FNDC3A: variants seen among roughly 807,000 people sequenced by gnomAD.
FNDC3A encodes fibronectin type III domain containing 3A.
FNDC3A carries 32 observed loss-of-function variants against 148.9 expected under a neutral mutation model. The ratio of observed to expected loss-of-function variants is 0.21; its 90% CI spans 0.16 to 0.29. FNDC3A has a LOEUF of 0.29. Ranked by LOEUF, FNDC3A falls within the 10% of genes least tolerant of loss-of-function variation. FNDC3A has a pLI of 1.00. For synonymous variants in FNDC3A, 472 were observed against 473.6 expected, an observed-to-expected ratio of 1.00 and a Z score of 0.04; for missense variants, 1,191 against 1,452.8, an observed-to-expected ratio of 0.82 and a Z score of 2.93.
In FNDC3A at chr13:49,111,114, C is replaced by G. The variant is rs528061941; in HGVS notation, c.176-3541C>G. Among the ~76,000 whole-genome samples the G allele has an allele frequency of 7.2e-5, 11 of 152,304 alleles. 1 individual carries two copies. Among genetic ancestry groups the G allele is most frequent in the Admixed American group, 7.2e-4 (11 of 15,308 alleles). On this transcript the variant is annotated intron_variant, in intron 3 of 25. Transcript: ENST00000492622. ...TTGTCAATAGGATCTGAGTTTCTTC[C>G]TTGGGACAAAATCTCCCTCATTGCA... is the stretch of plus-strand genomic sequence containing the variant.
Position 49,110,264 on chromosome 13 carries a change from G to T in FNDC3A, c.176-4391G>T. On this transcript the variant is annotated intron_variant, in intron 3 of 25. Coordinates refer to ENST00000492622, the MANE Select transcript of FNDC3A (RefSeq NM_001079673.2). ...GCAGGTCACGTGATGACTGTCACGTGACTCGGTCAAAGGATCTTTTCCTCT... is the reference window on the plus strand; with the variant it reads ...GCAGGTCACGTGATGACTGTCACGTTACTCGGTCAAAGGATCTTTTCCTCT... 6 of 1,302,386 alleles carry T rather than the reference G, an allele frequency of 4.6e-6. No individual in the cohort carries two copies. The South Asian group carries it at 9.5e-5, about 21-fold the overall frequency. The allele number at this position is 1,302,386 out of a possible 1,614,324, so 80.7% of individuals were successfully genotyped here. A position where few individuals can be genotyped will look rare whatever the true frequency, so the allele number is the denominator to read the frequency against.
At chr13:48,993,231 A>G (rs1951953040) in intron 1 of FNDC3A, among the ~76,000 whole-genome samples, 1 of 152,194 alleles carries the variant, frequency 6.6e-6, no homozygotes, top group Non-Finnish European at 1.5e-5. Flanking sequence ...GTTAGTACTT[A>G]ATGTAAAAAC....
intron 1 of FNDC3A, among the ~76,000 whole-genome samples, chr13:49,004,578 T>C (rs1251936936): frequency 6.6e-6 from 1 of 151,948 alleles, no homozygotes; most frequent in East Asian, 1.9e-4. Flanking sequence ...CAGAAGAAAA[T>C]CTGTATTTCT....
intron 2 of FNDC3A, among the ~76,000 whole-genome samples, chr13:49,028,787 A>T (rs1198622930): frequency 5.3e-5 from 8 of 152,234 alleles, no homozygotes; most frequent in African/African-American, 1.9e-4. Flanking sequence ...TTGAACAATA[A>T]TAGTTGGAGC....
intron 3 of FNDC3A, among the ~76,000 whole-genome samples, chr13:49,084,656 C>CA (rs1182821383): frequency 6.6e-5 from 10 of 152,196 alleles, no homozygotes; most frequent in Non-Finnish European, 2.9e-5. Context: ...TCTCATACCT[C>CA]ACGCTGCTTG....
At chr13:49,085,531 T>C (rs1878751231) in intron 3 of FNDC3A, among the ~76,000 whole-genome samples, 1 of 152,170 alleles carries the variant, frequency 6.6e-6, no homozygotes, top group Non-Finnish European at 1.5e-5. Context: ...ACTTCAGGGC[T>C]TTGATATTAG....
At chr13:49,097,522 G>A (rs1259145487) in intron 3 of FNDC3A, among the ~76,000 whole-genome samples, 1 of 152,030 alleles carries the variant, frequency 6.6e-6, no homozygotes, top group Non-Finnish European at 1.5e-5. Flanking sequence ...TGTGCCTCCA[G>A]CTTTGATCTC....
In FNDC3A at chr13:49,028,531, G is replaced by C. The variant is rs568751826; in HGVS notation, c.99+22242G>C. On this transcript the variant is annotated intron_variant, in intron 2 of 25. Coordinates refer to ENST00000492622, the MANE Select transcript of FNDC3A (RefSeq NM_001079673.2). ...CTAGATTACAGACATGAGCCACACT[G>C]TGCCCAGCCCAGGACACTCTTGAAA... Among the ~76,000 whole-genome samples, 4 of 152,208 alleles carry C rather than the reference G, an allele frequency of 2.6e-5. No homozygotes were observed. In the South Asian group the frequency reaches 8.3e-4, roughly 32 times the overall value.
In FNDC3A at chr13:49,015,547, G is replaced by A. The variant is rs188626536; in HGVS notation, c.99+9258G>A. On this transcript the variant is annotated intron_variant, in intron 2 of 25. Coordinates refer to ENST00000492622, the MANE Select transcript of FNDC3A (RefSeq NM_001079673.2). ...ATATACAATCATGTCGTCTGCAAAC[G>A]GGGACAATTTGACTTCCTCTTTTCC... Among the ~76,000 whole-genome samples, 1,272 of 152,200 alleles carry A rather than the reference G, an allele frequency of 8.4e-3. 21 individuals carry two copies. Among genetic ancestry groups the A allele is most frequent in the African/African-American group, 0.029 (1,192 of 41,500 alleles).
intron 3 of FNDC3A, among the ~76,000 whole-genome samples, chr13:49,113,385 A>G (rs555731917): frequency 6.7e-6 from 1 of 149,844 alleles, no homozygotes; most frequent in South Asian, 2.1e-4. Flanking sequence ...TAGCTCTCTC[A>G]TCTCCCTAGC....
chr13:49,200,597 G>C (rs1473882036), intron 23 of FNDC3A, among the ~76,000 whole-genome samples: 1 of 152,090 alleles, frequency 6.6e-6, no homozygotes, highest in East Asian at 1.9e-4. Flanking sequence ...TCTAATTAGT[G>C]TTTGGTTGAA....
chr13:48,989,094 A>C (rs1351003474), intron 1 of FNDC3A, among the ~76,000 whole-genome samples: 2 of 152,204 alleles, frequency 1.3e-5, no homozygotes, highest in Non-Finnish European at 2.9e-5. Context: ...CATTCAGTAG[A>C]GTACTCTGGA....
At chr13:49,066,523 A>C (rs140321156) in intron 2 of FNDC3A, among the ~76,000 whole-genome samples, 1 of 152,280 alleles carries the variant, frequency 6.6e-6, no homozygotes, top group African/African-American at 2.4e-5. Context: ...TTATCTGTTA[A>C]TCCTTCAACA....
chr13:49,163,108 G>A (rs964030995), intron 8 of FNDC3A, among the ~76,000 whole-genome samples: 12 of 152,230 alleles, frequency 7.9e-5, no homozygotes, highest in African/African-American at 2.9e-4. Context: ...TGAGGAGGCA[G>A]TCTGTCCCTT....
At chr13:49,055,858 G>C (rs1044750120) in intron 2 of FNDC3A, among the ~76,000 whole-genome samples, 2 of 152,086 alleles carry the variant, frequency 1.3e-5, no homozygotes, top group African/African-American at 2.4e-5. Flanking sequence ...TGGGCCACTA[G>C]TTACTCATAT....
chr13:49,196,433 T>C (rs1248821182), intron 19 of FNDC3A, among the ~76,000 whole-genome samples: 1 of 152,112 alleles, frequency 6.6e-6, no homozygotes, highest in Non-Finnish European at 1.5e-5. Context: ...ATAAACAAAT[T>C]TATAGAACAG....
Position 49,196,490 on chromosome 13 carries a change from AAGT to A in FNDC3A, c.2227-385_2227-383del, listed in dbSNP as rs149793527. 3.0e-3 allele frequency among the ~76,000 whole-genome samples: 455 copies of A among 152,306 alleles called. 3 individuals carry two copies. The highest frequency in any genetic ancestry group is 0.019 in the South Asian group (92 of 4,820). ...GGAATATGCCTAAGAAAGATTCGTG[AAGT>A]ATTAAAAAATTAAAAATAATAATTT... On this transcript the variant is annotated intron_variant, in intron 19 of 25. Coordinates refer to ENST00000492622, the MANE Select transcript of FNDC3A (RefSeq NM_001079673.2).
chr13:49,163,563 G>A (rs759289190), intron 8 of FNDC3A, among the ~76,000 whole-genome samples: 18 of 152,160 alleles, frequency 1.2e-4, no homozygotes, highest in Non-Finnish European at 2.1e-4. Flanking sequence ...CTAGGAAAAG[G>A]AATTCGCTGA....
At chr13:49,149,345 T>C (rs2137977473) in intron 8 of FNDC3A, among the ~76,000 whole-genome samples, 2 of 152,256 alleles carry the variant, frequency 1.3e-5, no homozygotes, top group Middle Eastern at 3.4e-3. Flanking sequence ...GTCTGTCATA[T>C]GTGGTCTTTA....
Sources: allele counts gnomAD v4.1 joint callset (sites outside exome capture counted in the v4.1 genomes callset), GRCh38; gene constraint gnomAD v4.1.1; transcripts MANE v1.5; gene names NCBI Gene and HGNC (gene_info 2026-07-23, HGNC 2026-07-21).